GRIK2: variants seen among roughly 807,000 people sequenced by gnomAD.
The protein encoded by GRIK2 is glutamate receptor ionotropic, kainate 2.
A neutral mutation model predicts 100.3 loss-of-function variants in GRIK2; 32 were observed. The ratio of observed to expected loss-of-function variants is 0.32; its 90% CI spans 0.24 to 0.43. The LOEUF is 0.43. GRIK2 is among the 20% of genes least tolerant of loss of function. The pLI, the probability that GRIK2 is intolerant of heterozygous loss-of-function variation, is 1.00. For missense variants in GRIK2, 843 were observed against 1,114.9 expected, an observed-to-expected ratio of 0.76 and a Z score of 3.47; for synonymous variants, 417 against 389.4, an observed-to-expected ratio of 1.07 and a Z score of -0.83.
At chr6:101,807,007 G>A (rs954780916) in intron 9 of GRIK2, among the ~76,000 whole-genome samples, 2 of 151,734 alleles carry the variant, frequency 1.3e-5, no homozygotes, top group Admixed American at 1.3e-4. Flanking sequence ...TTGTCTTGAG[G>A]ACAAAGTATG....
chr6:101,418,213 C>G (rs541153648), intron 2 of GRIK2, among the ~76,000 whole-genome samples: 8 of 152,290 alleles, frequency 5.3e-5, no homozygotes, highest in African/African-American at 1.7e-4. Context: ...TATAGTGATT[C>G]TGGGAGTAAC....
intron 7 of GRIK2, among the ~76,000 whole-genome samples, chr6:101,774,275 A>G (rs1366133287): frequency 4.6e-5 from 7 of 152,182 alleles, no homozygotes; most frequent in Non-Finnish European, 1.0e-4. Context: ...AAAAAGGTAA[A>G]TATAAACAAC....
intron 14 of GRIK2, among the ~76,000 whole-genome samples, chr6:101,962,525 C>T (rs1393090149): frequency 2.0e-5 from 3 of 152,140 alleles, no homozygotes; most frequent in African/African-American, 7.2e-5. Context: ...TGGAGTGTTC[C>T]ATAAAGACTT....
At chr6:101,533,361 A>G (rs971659040) in intron 2 of GRIK2, among the ~76,000 whole-genome samples, 7 of 151,920 alleles carry the variant, frequency 4.6e-5, no homozygotes, top group African/African-American at 1.7e-4. Context: ...AAATAACAGT[A>G]TAGGGATTAA....
chr6:101,586,533 A>T (rs894521246), intron 2 of GRIK2, among the ~76,000 whole-genome samples: 1 of 151,956 alleles, frequency 6.6e-6, no homozygotes, highest in South Asian at 2.1e-4. Context: ...CCCTCTCAGG[A>T]TGAGTCCAAC....
chr6:102,025,088 A>G (rs572201934), intron 14 of GRIK2, among the ~76,000 whole-genome samples: 1 of 151,404 alleles, frequency 6.6e-6, no homozygotes, highest in South Asian at 2.1e-4. Flanking sequence ...AAACTTACTC[A>G]CTACAGATCA....
chr6:101,807,431 A>G (rs543153136), intron 9 of GRIK2, among the ~76,000 whole-genome samples: 1 of 152,122 alleles, frequency 6.6e-6, no homozygotes, highest in South Asian at 2.1e-4. Context: ...AAGTTACAGT[A>G]TGGAAATAAA....
rs2114548374 is a variant in GRIK2 at position 102,069,330 on chromosome 6, AT to A, written c.*820del. On this transcript the variant is annotated 3_prime_UTR_variant, in exon 17 of 17. Coordinates refer to ENST00000369134, the MANE Select transcript of GRIK2 (RefSeq NM_021956.5). Reference sequence around the variant, plus strand: ...AATAATAATAATAATAATAATAATAATAATAATAAAAGCAGTTGGTTCAGTG... The same window carrying A: ...AATAATAATAATAATAATAATAATAAAATAATAAAAGCAGTTGGTTCAGTG... 1 of 148,052 alleles carries A rather than the reference AT, an allele frequency of 6.8e-6. No homozygotes were observed. Among genetic ancestry groups the A allele is most frequent in the Admixed American group, 6.8e-5 (1 of 14,726 alleles). 9.2% of individuals were successfully genotyped at this position (148,052 alleles called of 1,614,324 possible).
rs182029853 is a variant in GRIK2 at position 101,865,852 on chromosome 6, A to G, written c.1524+6359A>G. Among the ~76,000 whole-genome samples the G allele has an allele frequency of 3.2e-3, 486 of 151,536 alleles. 1 individual carries two copies. Among genetic ancestry groups the G allele is most frequent in the African/African-American group, 0.011 (472 of 41,322 alleles). On this transcript the variant is annotated intron_variant, in intron 11 of 16. Coordinates refer to ENST00000369134, the MANE Select transcript of GRIK2 (RefSeq NM_021956.5). The stretch of plus-strand genomic sequence containing the variant: ...TGCAGTGAGCTGAGATCACGCCACT[A>G]AACTCCAGCCTGGGCAACACAGTGA...
intron 7 of GRIK2, among the ~76,000 whole-genome samples, chr6:101,791,589 C>CTT (rs200659947): frequency 6.6e-6 from 1 of 151,166 alleles, no homozygotes; most frequent in Admixed American, 6.6e-5. Flanking sequence ...GTTATAATTT[C>CTT]TTTTTTTTTA....
At chr6:101,705,895 A>C (rs1773256669) in intron 7 of GRIK2, among the ~76,000 whole-genome samples, 1 of 151,962 alleles carries the variant, frequency 6.6e-6, no homozygotes, top group African/African-American at 2.4e-5. Context: ...CAACAATAAA[A>C]AAACAAATCA....
chr6:101,736,915 C>T (rs1445819831), intron 7 of GRIK2, among the ~76,000 whole-genome samples: 7 of 152,154 alleles, frequency 4.6e-5, no homozygotes, highest in African/African-American at 1.7e-4. Flanking sequence ...CCCCAGTCAC[C>T]TCTTGAATGC....
At chr6:102,022,406 AG>A (rs1217402626) in intron 14 of GRIK2, among the ~76,000 whole-genome samples, 1 of 151,792 alleles carries the variant, frequency 6.6e-6, no homozygotes, top group East Asian at 1.9e-4. Flanking sequence ...ATACTTTGAG[AG>A]CCTGGTTTCC....
intron 7 of GRIK2, among the ~76,000 whole-genome samples, chr6:101,699,436 C>T (rs1772726425): frequency 6.6e-6 from 1 of 152,086 alleles, no homozygotes; most frequent in African/African-American, 2.4e-5. Context: ...TTAGGACCCC[C>T]ATATCAGTCA....
chr6:101,686,148 A>T (rs756516412), intron 6 of GRIK2, 32 bp from the exon 7 acceptor site: 1 of 1,585,896 alleles, frequency 6.3e-7, no homozygotes, highest in East Asian at 2.2e-5. Flanking sequence ...TACTCTGTCC[A>T]TAATAACAAC....
chr6:101,915,500 C>T (rs1420792940), intron 12 of GRIK2, among the ~76,000 whole-genome samples: 1 of 151,292 alleles, frequency 6.6e-6, no homozygotes, highest in Non-Finnish European at 1.5e-5. Flanking sequence ...CAGAGCATGC[C>T]ACTGAAAAGA....
At chr6:101,995,110 A>G (rs1172203323) in intron 14 of GRIK2, among the ~76,000 whole-genome samples, 1 of 151,940 alleles carries the variant, frequency 6.6e-6, no homozygotes, top group Admixed American at 6.6e-5. Context: ...AAGACACTAC[A>G]CTATGTGAAA....
chr6:102,035,080 T>C (rs546530311), intron 14 of GRIK2, among the ~76,000 whole-genome samples: 1 of 151,354 alleles, frequency 6.6e-6, no homozygotes, highest in African/African-American at 2.4e-5. Flanking sequence ...TGGGATGTGA[T>C]TTTAAACATG....
chr6:101,572,911 C>A (rs942009874), intron 2 of GRIK2, among the ~76,000 whole-genome samples: 1 of 151,558 alleles, frequency 6.6e-6, no homozygotes, highest in Non-Finnish European at 1.5e-5. Flanking sequence ...TGCAGTGACA[C>A]GACCTTGGCT....
Sources: gnomAD v4.1 joint callset for allele counts (sites outside exome capture counted in the v4.1 genomes callset) on GRCh38, gnomAD v4.1.1 for gene constraint, MANE v1.5 for transcripts, NCBI Gene and HGNC (gene_info 2026-07-23, HGNC 2026-07-21) for gene names.